The following ATP9B variants were observed in gnomAD, a reference collection of about 807,000 sequenced individuals.
ATP9B encodes the protein probable phospholipid-transporting ATPase IIB.
A neutral mutation model predicts 146.1 loss-of-function variants in ATP9B; 110 were observed. The observed-to-expected ratio is 0.75, with a 90% CI of 0.65 to 0.88. The LOEUF (loss-of-function observed/expected upper bound fraction) is 0.88. Ranked by LOEUF, ATP9B falls within the 40% of genes least tolerant of loss-of-function variation. The pLI, the probability that ATP9B is intolerant of heterozygous loss-of-function variation, is 0.00. For missense variants in ATP9B, 1,499 were observed against 1,496.4 expected, an observed-to-expected ratio of 1.00 and a Z score of -0.03; for synonymous variants, 604 against 569.7, an observed-to-expected ratio of 1.06 and a Z score of -0.86.
At chr18:79,082,727 C>T (rs1202241695) in intron 1 of ATP9B, among the ~76,000 whole-genome samples, 1 of 152,222 alleles carries the variant, frequency 6.6e-6, no homozygotes, top group African/African-American at 2.4e-5. Flanking sequence ...TGGGTTTCAC[C>T]AGCGGAGGTT....
At chr18:79,355,614 G>A (rs2096947107) in intron 25 of ATP9B, among the ~76,000 whole-genome samples, 1 of 152,132 alleles carries the variant, frequency 6.6e-6, no homozygotes, top group Admixed American at 6.6e-5. Flanking sequence ...CAGCAAGATG[G>A]TAATTCTACC....
At chr18:79,156,377 G>A (rs990723415) in intron 7 of ATP9B, among the ~76,000 whole-genome samples, 15 of 152,184 alleles carry the variant, frequency 9.9e-5, no homozygotes, top group Admixed American at 7.9e-4. Flanking sequence ...CTAGCCCTGC[G>A]CCTAACCTCT....
In ATP9B at chr18:79,166,512, C is replaced by T. The variant is rs915335651; in HGVS notation, c.779-10301C>T. The stretch of plus-strand genomic sequence containing the variant: ...GCTTACACATGACATCACAGGCCTC[C>T]CTGTCAGCCTGGAAGATGGTTTTTG... On this transcript the variant is annotated intron_variant, in intron 7 of 29. Coordinates refer to ENST00000426216, the MANE Select transcript of ATP9B (RefSeq NM_198531.5). 7.9e-5 allele frequency among the ~76,000 whole-genome samples: 12 copies of T among 152,294 alleles called. No individual in the cohort carries two copies. In the East Asian group the frequency reaches 1.2e-3, roughly 15 times the overall value.
chr18:79,085,438 C>A (rs1382683853), intron 1 of ATP9B: 1 of 152,186 alleles, frequency 6.6e-6, no homozygotes, highest in Non-Finnish European at 1.5e-5. Context: ...TTACGGTTTT[C>A]ATATGTCATT....
intron 11 of ATP9B, among the ~76,000 whole-genome samples, chr18:79,225,419 A>G (rs984928271): frequency 2.0e-5 from 3 of 152,276 alleles, no homozygotes; most frequent in Non-Finnish European, 4.4e-5. Context: ...ATAATGAGAT[A>G]TTAACTCCAA....
At chr18:79,212,547 A>G (rs1181635907) in intron 10 of ATP9B, among the ~76,000 whole-genome samples, 1 of 152,162 alleles carries the variant, frequency 6.6e-6, no homozygotes, top group Non-Finnish European at 1.5e-5. Context: ...TTCTTACATC[A>G]TTGTGATAAT....
chr18:79,173,209 C>A (rs1160247182), intron 7 of ATP9B, among the ~76,000 whole-genome samples: 1 of 152,090 alleles, frequency 6.6e-6, no homozygotes, highest in Admixed American at 6.5e-5. Context: ...ATTGAGAGTT[C>A]TTTATATATT....
intron 1 of ATP9B, 109 bp downstream of exon 1, chr18:79,069,638 A>T (rs1392736099): frequency 1.2e-5 from 8 of 670,868 alleles, no homozygotes; most frequent in Non-Finnish European, 1.7e-5. Flanking sequence ...GGCGCGCCCC[A>T]TCTGTTCGCT....
chr18:79,288,841 C>T lies in ATP9B; in HGVS notation c.1411+11645C>T, dbSNP rs541170451. Among the ~76,000 whole-genome samples the T allele has an allele frequency of 2.2e-4, 33 of 152,218 alleles. No homozygotes were observed. In the South Asian group the frequency reaches 5.6e-3, roughly 26 times the overall value. ...ACAAAATCTCTCAGCATTTGCTTGT[C>T]TGTAAAGTATTTTATTTCTCCTTCA... On this transcript the variant is annotated intron_variant, in intron 13 of 29. Coordinates refer to ENST00000426216, the MANE Select transcript of ATP9B (RefSeq NM_198531.5).
rs572411312 is a variant in ATP9B, at chr18:79,348,480, C to T, written c.2903+284C>T. ...CTGAGATTTTTAAAGGGTCCCGTGG[C>T]AGAAGGCGGAGGGGCAGAGTGGCCA... On this transcript the variant is annotated intron_variant, in intron 25 of 29. Coordinates refer to ENST00000426216, the MANE Select transcript of ATP9B (RefSeq NM_198531.5). Among the ~76,000 whole-genome samples the T allele has an allele frequency of 9.2e-5, 14 of 152,320 alleles. No homozygotes were observed. The East Asian group carries it at 2.7e-3, about 29-fold the overall frequency.
intron 15 of ATP9B, 81 bp downstream of exon 15, chr18:79,307,315 G>C (rs2096625105): frequency 3.2e-6 from 5 of 1,581,638 alleles, no homozygotes; most frequent in Admixed American, 1.7e-5. Flanking sequence ...TTTCTGGGAT[G>C]GGGAATATAG....
chr18:79,339,549 G>A (rs555463140), intron 19 of ATP9B, among the ~76,000 whole-genome samples: 11 of 150,994 alleles, frequency 7.3e-5, no homozygotes, highest in South Asian at 4.3e-4. Context: ...ATCTGAGATC[G>A]CAGTAGGAAG....
At position 79,291,357 on chromosome 18, in the gene ATP9B, G is replaced by T. The variant is rs1396444211; in HGVS notation, c.1412-12247G>T. Among the ~76,000 whole-genome samples, 3 of 152,146 alleles carry T rather than the reference G, an allele frequency of 2.0e-5. No homozygotes were observed. In the East Asian group the frequency reaches 5.8e-4, roughly 29 times the overall value. Reference sequence around the variant, plus strand: ...ATATTAATTTCTGTTGTATTAAAATGACAAAAGTTGTAGAAATCATCAGTG... The same window carrying T: ...ATATTAATTTCTGTTGTATTAAAATTACAAAAGTTGTAGAAATCATCAGTG... On this transcript the variant is annotated intron_variant, in intron 13 of 29. Transcript: ENST00000426216.
rs553081628 is a variant in ATP9B, at chr18:79,307,909, A to G, written c.1773+675A>G. Reference sequence around the variant, plus strand: ...TCTGTAAAGTAATCAAGCCAACCACAGAAGCACTATAAACCAACTAGTGTC... The same window carrying G: ...TCTGTAAAGTAATCAAGCCAACCACGGAAGCACTATAAACCAACTAGTGTC... On this transcript the variant is annotated intron_variant, in intron 15 of 29. Transcript: ENST00000426216. 6.6e-5 allele frequency among the ~76,000 whole-genome samples: 10 copies of G among 152,350 alleles called. No individual in the cohort carries two copies. The South Asian group carries it at 2.1e-3, about 32-fold the overall frequency.
intron 7 of ATP9B, among the ~76,000 whole-genome samples, chr18:79,157,412 A>C (rs1011686047): frequency 2.0e-5 from 3 of 150,082 alleles, no homozygotes; most frequent in African/African-American, 7.3e-5. Context: ...AAAAAAAAAA[A>C]AAAAAAAAAA....
intron 7 of ATP9B, among the ~76,000 whole-genome samples, chr18:79,161,323 C>G (rs72994240): frequency 0.061 from 9,265 of 152,100 alleles, 366 homozygotes; most frequent in Non-Finnish European, 0.092. Context: ...TTTTGAAGGT[C>G]GTGGATCCCT....
intron 11 of ATP9B, among the ~76,000 whole-genome samples, chr18:79,231,711 T>C (rs964381711): frequency 6.7e-6 from 1 of 149,992 alleles, no homozygotes; most frequent in African/African-American, 2.5e-5. Flanking sequence ...AATTCACGAT[T>C]GCAAAAATAT....
Position 79,206,988 on chromosome 18 carries a change from T to C in ATP9B, c.1006T>C (p.Trp336Arg). The change falls in exon 10 of 30, where the codon TGG (tryptophan) becomes CGG (arginine). Residue 336 changes from tryptophan (W) to arginine (R), a missense_variant. By Grantham distance (101) the Trp-to-Arg change is moderately radical. Transcript: ENST00000426216. ...AAGTCTCAGCATAGAAAATACATTGTGGGCAAGCACCATTGTTGCATCAGG... is the reference window on the plus strand; with the variant it reads ...AAGTCTCAGCATAGAAAATACATTGCGGGCAAGCACCATTGTTGCATCAGG... ...HESLSIENTLWASTIVASGTV... is the reference protein window; with the variant it reads ...HESLSIENTLRASTIVASGTV... 2 of 1,614,160 alleles carry C rather than the reference T, an allele frequency of 1.2e-6. No individual in the cohort carries two copies. The highest frequency in any genetic ancestry group is 2.2e-5 in the South Asian group (2 of 91,074).
At chr18:79,129,707 C>T (rs2094345768) in intron 5 of ATP9B, among the ~76,000 whole-genome samples, 1 of 151,980 alleles carries the variant, frequency 6.6e-6, no homozygotes, top group Admixed American at 6.6e-5. Flanking sequence ...TAGCTAATTT[C>T]CAGAATTACC....
Sources: allele counts gnomAD v4.1 joint callset (sites outside exome capture counted in the v4.1 genomes callset), GRCh38; gene constraint gnomAD v4.1.1; transcripts MANE v1.5; gene names NCBI Gene and HGNC (gene_info 2026-07-23, HGNC 2026-07-21).